The following SEMA4G variants were observed in gnomAD, a reference collection of about 807,000 sequenced individuals.
SEMA4G encodes the protein semaphorin 4G, also known as semaphorin-4G.
SEMA4G carries 59 observed loss-of-function variants against 81.2 expected under a neutral mutation model. That is an observed-to-expected ratio of 0.73 (90% CI 0.59 to 0.90). The LOEUF is 0.90. Ranked by LOEUF, SEMA4G falls within the 40% of genes least tolerant of loss-of-function variation. SEMA4G has a pLI of 0.00. For missense variants in SEMA4G, 952 were observed against 1,102.3 expected, an observed-to-expected ratio of 0.86 and a Z score of 1.93; for synonymous variants, 404 against 433.9, an observed-to-expected ratio of 0.93 and a Z score of 0.86.
At chr10:100,979,614 C>T (rs1402448111) in intron 8 of SEMA4G, among the ~76,000 whole-genome samples, 1 of 152,080 alleles carries the variant, frequency 6.6e-6, no homozygotes, top group Non-Finnish European at 1.5e-5. Flanking sequence ...ATCTCTTGAC[C>T]TCGTGATCTG....
chr10:100,978,896 G>A (rs1465509378), exon 7 of SEMA4G: 1 of 1,614,234 alleles, frequency 6.2e-7, no homozygotes, highest in South Asian at 1.1e-5. Context: ...CAAGGCCAGT[G>A]CAGTGGGTGA....
At chr10:100,978,527 A>C (rs1242205501) in exon 6 of SEMA4G, 1 of 1,613,760 alleles carries the variant, frequency 6.2e-7, no homozygotes. Flanking sequence ...CCCACGCCAG[A>C]TGGAGGCCTC....
At chr10:100,979,527 CGT>C (rs1850956463) in intron 8 of SEMA4G, among the ~76,000 whole-genome samples, 1 of 151,916 alleles carries the variant, frequency 6.6e-6, no homozygotes, top group Admixed American at 6.5e-5. Context: ...GGACTATAGG[CGT>C]GTGCCACCAC....
exon 8 of SEMA4G, chr10:100,979,235 C>A (rs761169377): frequency 6.8e-6 from 11 of 1,614,202 alleles, no homozygotes; most frequent in Non-Finnish European, 8.5e-6. Flanking sequence ...TCAAGCCGTA[C>A]ACACTTCTAT....
chr10:100,977,965 C>T (rs1369779419), intron 4 of SEMA4G: 5 of 575,788 alleles, frequency 8.7e-6, no homozygotes, highest in Non-Finnish European at 1.6e-5. Context: ...ATCACCTCCA[C>T]CTGGCAAACT....
exon 14 of SEMA4G, chr10:100,983,911 C>T (rs746344453): frequency 7.2e-6 from 11 of 1,525,862 alleles, no homozygotes; most frequent in East Asian, 2.4e-5. Flanking sequence ...CCAGCCCCAC[C>T]ACCCCCACCG....
chr10:100,976,048 G>A (rs1487876678), intron 3 of SEMA4G, among the ~76,000 whole-genome samples: 4 of 152,204 alleles, frequency 2.6e-5, no homozygotes, highest in Non-Finnish European at 4.4e-5. Flanking sequence ...ATTTGGGTCA[G>A]AGGAAGGGGC....
intron 8 of SEMA4G, 27 bp from the exon 10 acceptor site, chr10:100,979,820 AC>A (rs772051424): frequency 1.1e-5 from 17 of 1,609,730 alleles, no homozygotes; most frequent in South Asian, 5.5e-5. Context: ...CATGTAACTC[AC>A]CCCCCTTGCC....
exon 1 of SEMA4G, chr10:100,972,858 A>G (rs1052574006): frequency 1.9e-6 from 3 of 1,563,940 alleles, no homozygotes; most frequent in Non-Finnish European, 2.6e-6. Context: ...CGCCCCCACA[A>G]CCTGTGACTC....
At position 100,979,084 on chromosome 10, in the gene SEMA4G, G is replaced by C. The variant is rs534844916; in HGVS notation, c.814-18G>C. On this transcript the variant is annotated intron_variant, in intron 7 of 13. Coordinates refer to ENST00000370250, the Ensembl canonical transcript of SEMA4G. The stretch of plus-strand genomic sequence containing the variant: ...ACCTCTGACCCTGGCCCCTTATCCC[G>C]TGCCTCTACCTCCCCAGGGAGACCT... 2 of 1,613,582 alleles carry C rather than the reference G, an allele frequency of 1.2e-6. No individual in the cohort carries two copies. The highest frequency in any genetic ancestry group is 1.7e-6 in the Non-Finnish European group (2 of 1,179,660).
At position 100,976,973 on chromosome 10, in the gene SEMA4G, A is replaced by C. The variant is rs996370764; in HGVS notation, c.337-659A>C. Among the ~76,000 whole-genome samples the C allele has an allele frequency of 2.0e-5, 3 of 152,306 alleles. No individual in the cohort carries two copies. The East Asian group carries it at 5.8e-4, about 29-fold the overall frequency. On this transcript the variant is annotated intron_variant, in intron 3 of 13. Transcript: ENST00000370250. Reference sequence around the variant, plus strand: ...GGTGCTGGTGGTGGAGTCAAAGTGGACCAAGTCAAGAGACTTTTAGGACAA... The same window carrying C: ...GGTGCTGGTGGTGGAGTCAAAGTGGCCCAAGTCAAGAGACTTTTAGGACAA...
chr10:100,979,710 C>T, intron 8 of SEMA4G, 138 bp from the exon 10 acceptor site: 1 of 970,368 alleles, frequency 1.0e-6, no homozygotes, highest in Non-Finnish European at 1.6e-6. Context: ...ATGCAGTGGT[C>T]CACTGACTCA....
chr10:100,981,294 G>A, intron 13 of SEMA4G, 65 bp downstream of exon 14: 8 of 1,597,088 alleles, frequency 5.0e-6, no homozygotes, highest in Non-Finnish European at 6.9e-6. Context: ...TTACTGCCAT[G>A]TGTACGTATA....
Position 100,983,270 on chromosome 10 carries a change from C to T in SEMA4G, c.1691-35C>T, listed in dbSNP as rs191363822. 2.4e-5 allele frequency: 35 copies of T among 1,475,262 alleles called. No homozygotes were observed. The East Asian group carries it at 3.2e-4, about 14-fold the overall frequency. The allele number at this position is 1,475,262 out of a possible 1,614,324, so 91.4% of individuals were successfully genotyped here. ...TGCCATCTCTAATCCCTTCCTGGGA[C>T]GGGCTGGTACTGACCTCTCCCCCAA... is the stretch of plus-strand genomic sequence containing the variant. On this transcript the variant is annotated intron_variant, in intron 13 of 13. Coordinates refer to ENST00000370250, the Ensembl canonical transcript of SEMA4G.
At chr10:100,981,631 A>C in intron 13 of SEMA4G, 1 of 1,485,750 alleles carries the variant, frequency 6.7e-7, no homozygotes, top group Non-Finnish European at 9.3e-7. Context: ...ACTTCTATGC[A>C]TGATGTCATC....
intron 8 of SEMA4G, among the ~76,000 whole-genome samples, 191 bp from the exon 10 acceptor site, chr10:100,979,657 G>C (rs953663209): frequency 3.9e-5 from 6 of 152,144 alleles, no homozygotes; most frequent in Non-Finnish European, 5.9e-5. Context: ...CTGGCAAAGT[G>C]AGAATTTTAA....
At chr10:100,972,076 G>T (rs2133855666), upstream of SEMA4G, among the ~76,000 whole-genome samples, 2 of 152,134 alleles carry the variant, frequency 1.3e-5, no homozygotes, top group South Asian at 4.2e-4. Flanking sequence ...TCAGGCCAGG[G>T]AAAAGAAAAA....
At position 100,977,664 on chromosome 10, in the gene SEMA4G, G is replaced by A. The variant is rs560293126; in HGVS notation, c.369G>A (p.Gln123=). ...GCTTTAACCATGTGCGGTTCCTGCA[G>A]CGGCTCAATTCTACCCACCTCTATG... Residue 123 remains glutamine, a synonymous_variant, in exon 4 of 14, where the codon CAG becomes CAA. Transcript: ENST00000370250. The A allele has an allele frequency of 3.3e-4, 529 of 1,614,156 alleles. 10 individuals carry two copies. In the South Asian group the frequency reaches 5.6e-3, roughly 17 times the overall value.
Position 100,972,769 on chromosome 10 carries a change from A to T in SEMA4G, c.-144A>T. 1 of 709,098 alleles carries T rather than the reference A, an allele frequency of 1.4e-6. No individual in the cohort carries two copies. The highest frequency in any genetic ancestry group is 2.2e-6 in the Non-Finnish European group (1 of 447,384). The allele number at this position is 709,098 out of a possible 1,614,324, so 43.9% of individuals were successfully genotyped here. ...CCCCCCATGGCCCCATGATTCCTTG[A>T]CTCCTATGACCTTATGACCCCTGAC... On this transcript the variant is annotated 5_prime_UTR_variant, in exon 1 of 14. The change abolishes the stop of an existing upstream ORF in the 5' untranslated region. Coordinates refer to ENST00000370250, the Ensembl canonical transcript of SEMA4G.
Sources: gnomAD v4.1 joint callset for allele counts (sites outside exome capture counted in the v4.1 genomes callset) on GRCh38, gnomAD v4.1.1 for gene constraint, MANE v1.5 for transcripts, NCBI Gene and HGNC (gene_info 2026-07-23, HGNC 2026-07-21) for gene names.